Variants in IL1RAPL2 observed in about 807,000 individuals in gnomAD.
IL1RAPL2 encodes the protein interleukin 1 receptor accessory protein like 2.
IL1RAPL2 carries 3 observed loss-of-function variants against 44.1 expected under a neutral mutation model. That is an observed-to-expected ratio of 0.07 (90% CI 0.03 to 0.18). The LOEUF (loss-of-function observed/expected upper bound fraction) is 0.18, where lower values mean the gene tolerates loss of function less well. IL1RAPL2 is among the 10% of genes least tolerant of loss of function. The pLI, the probability that IL1RAPL2 is intolerant of heterozygous loss-of-function variation, is 1.00. For missense variants in IL1RAPL2, 391 were observed against 496.4 expected, an observed-to-expected ratio of 0.79 and a Z score of 2.02; for synonymous variants, 181 against 178.8, an observed-to-expected ratio of 1.01 and a Z score of -0.10.
At chrX:104,715,000 G>C (rs1569301777) in intron 2 of IL1RAPL2, among the ~76,000 whole-genome samples, 1 of 111,148 alleles carries the variant, frequency 9.0e-6, no homozygotes, top group Non-Finnish European at 1.9e-5. Context: ...ATCATGCAAT[G>C]AGTTGGGTAG....
chrX:104,829,711 G>A (rs1025170528), intron 2 of IL1RAPL2, among the ~76,000 whole-genome samples: 1 of 112,468 alleles, frequency 8.9e-6, no homozygotes, highest in African/African-American at 3.2e-5. Flanking sequence ...TTAATGTATA[G>A]CATTTTGGAT....
chrX:105,247,679 A>G (rs1000899496), intron 4 of IL1RAPL2, among the ~76,000 whole-genome samples: 1 of 106,486 alleles, frequency 9.4e-6, no homozygotes, highest in African/African-American at 3.4e-5. Flanking sequence ...GACAAATCGA[A>G]CAGTGAAGAG....
chrX:105,381,579 T>C (rs777874165), intron 5 of IL1RAPL2, among the ~76,000 whole-genome samples: 92 of 111,934 alleles, frequency 8.2e-4, no homozygotes, highest in Non-Finnish European at 1.5e-3. Flanking sequence ...TATTGACTGC[T>C]TATTATGTGT....
At chrX:105,210,707 T>C (rs1398443967) in intron 3 of IL1RAPL2, among the ~76,000 whole-genome samples, 2 of 111,435 alleles carry the variant, frequency 1.8e-5, no homozygotes, top group African/African-American at 3.3e-5. Context: ...CTTTAATAAC[T>C]AGTTAGGGAA....
In IL1RAPL2 at chrX:105,029,881, G is replaced by A. The variant is rs763922401; in HGVS notation, c.83-165594G>A. Among the ~76,000 whole-genome samples, 20 of 111,457 alleles carry A rather than the reference G, an allele frequency of 1.8e-4. No homozygotes were observed. The South Asian group carries it at 5.7e-3, about 32-fold the overall frequency. ...ACAGCCCCACCAACAGTGTAAAAGT[G>A]TTCCTATTTCTCCACATCCTCTCCA... is the stretch of plus-strand genomic sequence containing the variant. On this transcript the variant is annotated intron_variant, in intron 2 of 10. Transcript: ENST00000372582.
chrX:105,512,760 G>C, intron 6 of IL1RAPL2, among the ~76,000 whole-genome samples: 1 of 111,129 alleles, frequency 9.0e-6, no homozygotes, highest in Non-Finnish European at 1.9e-5. Flanking sequence ...ATAGTCAAAA[G>C]AACCAGATGA....
At chrX:104,664,320 T>C (rs1217213908) in intron 2 of IL1RAPL2, among the ~76,000 whole-genome samples, 1 of 111,299 alleles carries the variant, frequency 9.0e-6, no homozygotes, top group Non-Finnish European at 1.9e-5. Flanking sequence ...GGCTCCCCTC[T>C]GGGAAGCTCT....
rs768512813 is a variant in IL1RAPL2, at chrX:104,635,916, A to G, written c.-19-22979A>G. ...TGCATTCCTTTGGAGGAGGAGAGGC[A>G]CTCTGATTTTTAGAGTTTCCAGTTT... is the stretch of plus-strand genomic sequence containing the variant. On this transcript the variant is annotated intron_variant, in intron 1 of 10. Coordinates refer to ENST00000372582, the MANE Select transcript of IL1RAPL2 (RefSeq NM_017416.2). 2.4e-3 allele frequency among the ~76,000 whole-genome samples: 268 copies of G among 111,509 alleles called. 3 individuals carry two copies. Among genetic ancestry groups the G allele is most frequent in the African/African-American group, 8.5e-3 (259 of 30,625 alleles).
At chrX:105,073,366 A>T (rs1350912763) in intron 2 of IL1RAPL2, among the ~76,000 whole-genome samples, 2 of 101,267 alleles carry the variant, frequency 2.0e-5, no homozygotes, top group East Asian at 3.3e-4. Flanking sequence ...CCTACAAAGG[A>T]CATGAACTCA....
At position 105,303,756 on chromosome X, in the gene IL1RAPL2, T is replaced by C. The variant is rs181070766; in HGVS notation, c.697+36215T>C. On this transcript the variant is annotated intron_variant, in intron 5 of 10. Coordinates refer to ENST00000372582, the MANE Select transcript of IL1RAPL2 (RefSeq NM_017416.2). ...AGAAGGGTCCTGGCGTACTTCCCTCTAACAGTGTGCCTTTCGTTCTCCTTC... is the reference window on the plus strand; with the variant it reads ...AGAAGGGTCCTGGCGTACTTCCCTCCAACAGTGTGCCTTTCGTTCTCCTTC... Among the ~76,000 whole-genome samples the C allele has an allele frequency of 3.6e-5, 4 of 112,228 alleles. No homozygotes were observed. In the East Asian group the frequency reaches 1.1e-3, roughly 32 times the overall value.
intron 6 of IL1RAPL2, among the ~76,000 whole-genome samples, chrX:105,659,710 G>A (rs1233265182): frequency 9.3e-6 from 1 of 108,081 alleles, no homozygotes; most frequent in African/African-American, 3.4e-5. Context: ...AAAAATTCTG[G>A]AGCTGAAAAA....
chrX:105,359,851 G>T (rs1001686132), intron 5 of IL1RAPL2, among the ~76,000 whole-genome samples: 2 of 110,428 alleles, frequency 1.8e-5, no homozygotes, highest in African/African-American at 3.3e-5. Flanking sequence ...TTTCTCTGTG[G>T]ATTATTGCAT....
At chrX:104,838,832 T>C (rs1921815940) in intron 2 of IL1RAPL2, among the ~76,000 whole-genome samples, 1 of 55,167 alleles carries the variant, frequency 1.8e-5, no homozygotes. Context: ...TCTTTCTTTC[T>C]TTCTTTCTTT....
chrX:105,294,535 A>G (rs1348773658), intron 5 of IL1RAPL2, among the ~76,000 whole-genome samples: 2 of 112,312 alleles, frequency 1.8e-5, no homozygotes, highest in Non-Finnish European at 3.8e-5. Context: ...AAGCCAAATG[A>G]AAAAGTAAAT....
At chrX:104,819,596 G>A (rs747922748) in intron 2 of IL1RAPL2, among the ~76,000 whole-genome samples, 109 of 111,850 alleles carry the variant, frequency 9.7e-4, no homozygotes, top group African/African-American at 3.5e-3. Context: ...TAAGAAATGG[G>A]TAGATCTAGT....
chrX:105,755,064 A>AT (rs2038625950), intron 9 of IL1RAPL2, 113 bp from the exon 10 acceptor site: 2 of 468,268 alleles, frequency 4.3e-6, no homozygotes, highest in Non-Finnish European at 7.2e-6. Context: ...CATGTGACTT[A>AT]TTTTTTTCCA....
In IL1RAPL2 at chrX:105,001,272, T is replaced by A. The variant is rs145897867; in HGVS notation, c.83-194203T>A. 3.5e-3 allele frequency among the ~76,000 whole-genome samples: 390 copies of A among 111,309 alleles called. 1 individual carries two copies. Among genetic ancestry groups the A allele is most frequent in the African/African-American group, 0.012 (362 of 30,666 alleles). On this transcript the variant is annotated intron_variant, in intron 2 of 10. Transcript: ENST00000372582. ...ATCTTCTTGATGCCAACTACCTATC[T>A]GATTAGACTTCCTAACATTGCCTCT...
At chrX:105,557,719 G>A (rs962434376) in intron 6 of IL1RAPL2, among the ~76,000 whole-genome samples, 1 of 111,172 alleles carries the variant, frequency 9.0e-6, no homozygotes, top group African/African-American at 3.3e-5. Flanking sequence ...ATTGTAGCTC[G>A]ATGCTGAGTA....
intron 2 of IL1RAPL2, among the ~76,000 whole-genome samples, chrX:104,842,827 C>T (rs987952053): frequency 8.9e-6 from 1 of 112,513 alleles, no homozygotes; most frequent in Non-Finnish European, 1.9e-5. Context: ...GGTGTCTGTC[C>T]ACCCCTGTTG....
Sources: allele counts gnomAD v4.1 joint callset (sites outside exome capture counted in the v4.1 genomes callset), GRCh38; gene constraint gnomAD v4.1.1; transcripts MANE v1.5; gene names NCBI Gene and HGNC (gene_info 2026-07-23, HGNC 2026-07-21).